Variants in PAPPA2 observed in about 807,000 individuals in gnomAD.
The protein encoded by PAPPA2 is pappalysin 2, also known as pappalysin-2.
A neutral mutation model predicts 176.4 loss-of-function variants in PAPPA2; 86 were observed. The observed-to-expected ratio is 0.49, with a 90% CI of 0.41 to 0.58. The LOEUF is 0.58. Ranked by LOEUF, PAPPA2 falls within the 20% of genes least tolerant of loss-of-function variation. PAPPA2 has a pLI of 0.00. For missense variants in PAPPA2, 2,073 were observed against 2,256.9 expected (o/e 0.92, Z 1.65); for synonymous variants, 809 against 852.2 (o/e 0.95, Z 0.88).
chr1:176,565,521 C>T (rs1436861321), intron 2 of PAPPA2, among the ~76,000 whole-genome samples: 1 of 152,062 alleles, frequency 6.6e-6, no homozygotes, highest in African/African-American at 2.4e-5. Context: ...ATGACGAAAC[C>T]CCATCTCTAC....
chr1:176,523,320 A>G (rs1488241264), intron 1 of PAPPA2, among the ~76,000 whole-genome samples: 1 of 152,196 alleles, frequency 6.6e-6, no homozygotes, highest in Admixed American at 6.5e-5. Flanking sequence ...CATGGAAAGA[A>G]CTATTCCCTT....
intron 21 of PAPPA2, among the ~76,000 whole-genome samples, chr1:176,824,019 A>G (rs575319616): frequency 2.0e-5 from 3 of 152,330 alleles, no homozygotes; most frequent in South Asian, 2.1e-4. Flanking sequence ...TGTCTGCAAT[A>G]GGATAGTATT....
At chr1:176,785,984 G>A (rs78870779) in intron 17 of PAPPA2, among the ~76,000 whole-genome samples, 26 of 152,202 alleles carry the variant, frequency 1.7e-4, no homozygotes, top group African/African-American at 6.3e-4. Flanking sequence ...TTTTACAGCC[G>A]TGCTTCTCCC....
intron 1 of PAPPA2, among the ~76,000 whole-genome samples, chr1:176,464,622 T>C (rs887305865): frequency 5.9e-5 from 9 of 152,194 alleles, no homozygotes; most frequent in African/African-American, 2.2e-4. Context: ...TATAGCTTTT[T>C]CCCAAACTCT....
At chr1:176,827,266 T>G (rs144938762) in intron 21 of PAPPA2, among the ~76,000 whole-genome samples, 2 of 152,360 alleles carry the variant, frequency 1.3e-5, no homozygotes, top group African/African-American at 4.8e-5. Context: ...TTTTATCATT[T>G]CTTCTTCTGG....
intron 1 of PAPPA2, among the ~76,000 whole-genome samples, chr1:176,472,938 C>T (rs1319686606): frequency 1.3e-5 from 2 of 152,010 alleles, no homozygotes; most frequent in Non-Finnish European, 1.5e-5. Flanking sequence ...CTGTATACTC[C>T]CTTTCCCCAC....
Position 176,643,353 on chromosome 1 carries a change from T to G in PAPPA2, c.1992-27617T>G, listed in dbSNP as rs142826170. ...GTGAATATTTCTGTAAATGGCCAAA[T>G]AGTAAATACTTTAGCCTTTGCCGGT... On this transcript the variant is annotated intron_variant, in intron 3 of 22. Transcript: ENST00000367662. 2.6e-5 allele frequency among the ~76,000 whole-genome samples: 4 copies of G among 151,658 alleles called. No individual in the cohort carries two copies. In the East Asian group the frequency reaches 7.8e-4, roughly 30 times the overall value.
At position 176,556,561 on chromosome 1, in the gene PAPPA2, G is replaced by A. The variant is rs759797187; in HGVS notation, c.239G>A (p.Arg80Lys). 1 of 1,614,210 alleles carries A rather than the reference G, an allele frequency of 6.2e-7. No individual in the cohort carries two copies. Among genetic ancestry groups the A allele is most frequent in the Non-Finnish European group, 8.5e-7 (1 of 1,180,038 alleles). Residue 80 changes from arginine to lysine, a missense_variant, in exon 2 of 23, where the codon AGG becomes AAG. By Grantham distance (26) the Arg-to-Lys change is conservative. Coordinates refer to ENST00000367662, the MANE Select transcript of PAPPA2 (RefSeq NM_020318.3). ...CCCAGCAGGGCTGGGAACTACCTAAGGCCCTACCCCGTGGGGGAGCAAGAA... is the reference window on the plus strand; with the variant it reads ...CCCAGCAGGGCTGGGAACTACCTAAAGCCCTACCCCGTGGGGGAGCAAGAA... ...VYPSRAGNYL[R>K]PYPVGEQEIH...
Position 176,671,497 on chromosome 1 carries a change from G to T in PAPPA2, c.2137+382G>T, listed in dbSNP as rs1277952824. Among the ~76,000 whole-genome samples the T allele has an allele frequency of 3.3e-5, 5 of 152,106 alleles. No homozygotes were observed. The South Asian group carries it at 8.3e-4, about 25-fold the overall frequency. The stretch of plus-strand genomic sequence containing the variant: ...TGATCACTGTTCTAGAAGACTGATG[G>T]GCTTCTTGTATGGTGTGGACTCCTG... On this transcript the variant is annotated intron_variant, in intron 4 of 22. Transcript: ENST00000367662.
intron 2 of PAPPA2, among the ~76,000 whole-genome samples, chr1:176,569,086 A>G (rs1652158090): frequency 6.6e-6 from 1 of 152,164 alleles, no homozygotes; most frequent in African/African-American, 2.4e-5. Flanking sequence ...ATATACAAGC[A>G]CACTCACACA....
chr1:176,782,580 T>C (rs1285239834), intron 17 of PAPPA2, among the ~76,000 whole-genome samples: 1 of 152,090 alleles, frequency 6.6e-6, no homozygotes, highest in African/African-American at 2.4e-5. Flanking sequence ...TGGCACCAAC[T>C]CTTGAGGCTG....
intron 14 of PAPPA2, among the ~76,000 whole-genome samples, chr1:176,743,522 G>A (rs539115592): frequency 1.3e-5 from 2 of 152,246 alleles, no homozygotes; most frequent in South Asian, 2.1e-4. Flanking sequence ...TTAGGGATAG[G>A]TTCTGCACAA....
At chr1:176,739,463 G>A (rs1662567595) in intron 12 of PAPPA2, among the ~76,000 whole-genome samples, 163 bp from the exon 13 acceptor site, 1 of 151,996 alleles carries the variant, frequency 6.6e-6, no homozygotes, top group Admixed American at 6.6e-5. Flanking sequence ...ATACAACCTT[G>A]AATACCTTTC....
intron 3 of PAPPA2, among the ~76,000 whole-genome samples, chr1:176,610,615 C>T (rs942303800): frequency 1.3e-5 from 2 of 152,156 alleles, no homozygotes; most frequent in African/African-American, 4.8e-5. Flanking sequence ...TGTCTGGAAT[C>T]TGCACATTTC....
At chr1:176,524,801 A>G (rs988785626) in intron 1 of PAPPA2, among the ~76,000 whole-genome samples, 3 of 152,214 alleles carry the variant, frequency 2.0e-5, no homozygotes, top group Non-Finnish European at 4.4e-5. Flanking sequence ...TGGCGGGCGG[A>G]TCATGAGGTC....
chr1:176,842,415 G>A lies in PAPPA2; in HGVS notation c.5337G>A (p.Glu1779=), dbSNP rs539487834. The part of the protein sequence containing the change: ...IPFAADCDLD[E]CTCRDPKAEE... ...TTGCTGCTGACTGTGACCTGGATGA[G>A]TGCACCTGCCGGGACCCCAAGGCAG... Residue 1779 remains glutamate (E), a synonymous_variant, in exon 23 of 23, where the codon GAG becomes GAA. Coordinates refer to ENST00000367662, the MANE Select transcript of PAPPA2 (RefSeq NM_020318.3). The A allele has an allele frequency of 3.1e-6, 5 of 1,613,386 alleles. No individual in the cohort carries two copies. Among genetic ancestry groups the A allele is most frequent in the South Asian group, 1.1e-5 (1 of 91,066 alleles).
At chr1:176,735,032 T>G (rs138580514) in intron 12 of PAPPA2, among the ~76,000 whole-genome samples, 2 of 152,126 alleles carry the variant, frequency 1.3e-5, no homozygotes, top group Non-Finnish European at 2.9e-5. Context: ...AGAGCTTAAA[T>G]TGGGAAAAAC....
intron 12 of PAPPA2, among the ~76,000 whole-genome samples, chr1:176,721,545 A>G (rs572201616): frequency 6.6e-6 from 1 of 152,340 alleles, no homozygotes; most frequent in African/African-American, 2.4e-5. Flanking sequence ...CTTTGGTACA[A>G]AATTCTAGGT....
intron 2 of PAPPA2, among the ~76,000 whole-genome samples, chr1:176,587,326 G>A (rs1653378405): frequency 6.6e-6 from 1 of 152,028 alleles, no homozygotes; most frequent in Admixed American, 6.6e-5. Context: ...GGTTTTTGTT[G>A]CAATTGTTTT....
Sources: allele counts gnomAD v4.1 joint callset (sites outside exome capture counted in the v4.1 genomes callset), GRCh38; gene constraint gnomAD v4.1.1; transcripts MANE v1.5; gene names NCBI Gene and HGNC (gene_info 2026-07-23, HGNC 2026-07-21).